The following RHOBTB3 variants were observed in gnomAD, a reference collection of about 807,000 sequenced individuals.
The protein encoded by RHOBTB3 is rho-related BTB domain-containing protein 3.
A neutral mutation model predicts 67.2 loss-of-function variants in RHOBTB3; 47 were observed. That is an observed-to-expected ratio of 0.70 (90% CI 0.55 to 0.89). The LOEUF (loss-of-function observed/expected upper bound fraction) is 0.89, where lower values mean the gene tolerates loss of function less well. Ranked by LOEUF, RHOBTB3 falls within the 40% of genes least tolerant of loss-of-function variation. RHOBTB3 has a pLI of 0.00. For synonymous variants in RHOBTB3, 273 were observed against 274.2 expected, an observed-to-expected ratio of 1.00 and a Z score of 0.04; for missense variants, 631 against 750.0, an observed-to-expected ratio of 0.84 and a Z score of 1.85.
chr5:95,739,593 C>G (rs781477109), intron 3 of RHOBTB3, among the ~76,000 whole-genome samples: 1 of 152,164 alleles, frequency 6.6e-6, no homozygotes, highest in African/African-American at 2.4e-5. Flanking sequence ...CTCTGTTGCC[C>G]AGGCTGGAGT....
At chr5:95,735,848 C>A (rs1019391855) in intron 2 of RHOBTB3, among the ~76,000 whole-genome samples, 1 of 152,142 alleles carries the variant, frequency 6.6e-6, no homozygotes, top group African/African-American at 2.4e-5. Context: ...TGCCTGTAAT[C>A]CTCACACTTT....
At chr5:95,754,325 C>T (rs1469366037) in intron 5 of RHOBTB3, among the ~76,000 whole-genome samples, 1 of 152,064 alleles carries the variant, frequency 6.6e-6, no homozygotes, top group Non-Finnish European at 1.5e-5. Context: ...CTGATTTGTT[C>T]CAAGGACGGA....
intron 3 of RHOBTB3, among the ~76,000 whole-genome samples, chr5:95,746,132 G>A (rs1294462379): frequency 6.6e-6 from 1 of 152,000 alleles, no homozygotes; most frequent in Non-Finnish European, 1.5e-5. Context: ...AGAGATACAG[G>A]GGCACTTTCT....
intron 10 of RHOBTB3, among the ~76,000 whole-genome samples, chr5:95,787,604 T>C (rs56385335): frequency 0.23 from 35,128 of 152,056 alleles, 4,074 homozygotes; most frequent in South Asian, 0.28. Context: ...ACAACACAAA[T>C]GTCCATTGAC....
chr5:95,757,196 T>C (rs977446165), intron 6 of RHOBTB3, among the ~76,000 whole-genome samples: 3 of 152,190 alleles, frequency 2.0e-5, no homozygotes, highest in African/African-American at 4.8e-5. Flanking sequence ...GTAGCAACTA[T>C]ATTTTAAAGA....
At chr5:95,742,425 T>G (rs1047402797) in intron 3 of RHOBTB3, among the ~76,000 whole-genome samples, 2 of 152,218 alleles carry the variant, frequency 1.3e-5, no homozygotes, top group Non-Finnish European at 2.9e-5. Flanking sequence ...TTGAAAAACT[T>G]AATGTCTTTC....
Position 95,755,427 on chromosome 5 carries a change from A to C in RHOBTB3, c.714A>C (p.Ser238=). ...EKMPVLKAEA[S]HYNSDLNNLL... is the part of the protein sequence containing the mutation. ...TGCCTGTCTTAAAGGCTGAAGCGTC[A>C]CATTATAACTCTGACTTAAATAACT... is the stretch of plus-strand genomic sequence containing the variant. The change falls in exon 6 of 12, where the codon TCA becomes TCC. Residue 238 remains serine (S), a synonymous_variant. Coordinates refer to ENST00000379982, the MANE Select transcript of RHOBTB3 (RefSeq NM_014899.4). The C allele has an allele frequency of 6.3e-7, 1 of 1,580,108 alleles. No individual in the cohort carries two copies.
At chr5:95,748,572 C>T (rs1241904410) in intron 4 of RHOBTB3, 85 bp downstream of exon 4, 4 of 969,728 alleles carry the variant, frequency 4.1e-6, no homozygotes, top group South Asian at 2.4e-5. Context: ...AGAACTTCAG[C>T]TTTAAAAGCA....
intron 1 of RHOBTB3, among the ~76,000 whole-genome samples, chr5:95,721,703 A>T (rs1409774519): frequency 6.6e-6 from 1 of 151,904 alleles, no homozygotes; most frequent in Non-Finnish European, 1.5e-5. Flanking sequence ...TAAAAAAAAA[A>T]AAAAAGGAAC....
At chr5:95,758,288 C>G (rs1745304605) in intron 6 of RHOBTB3, among the ~76,000 whole-genome samples, 2 of 152,148 alleles carry the variant, frequency 1.3e-5, no homozygotes, top group Non-Finnish European at 2.9e-5. Flanking sequence ...AGACCCTTTC[C>G]CCGGAGTCAT....
At chr5:95,720,576 T>G (rs1353405618) in intron 1 of RHOBTB3, among the ~76,000 whole-genome samples, 1 of 152,154 alleles carries the variant, frequency 6.6e-6, no homozygotes, top group African/African-American at 2.4e-5. Context: ...AGGCTAAAGC[T>G]AATGAGTACT....
Position 95,731,978 on chromosome 5 carries a change from G to C in RHOBTB3, c.122G>C (p.Ser41Thr). 1 of 1,614,182 alleles carries C rather than the reference G, an allele frequency of 6.2e-7. No individual in the cohort carries two copies. The highest frequency in any genetic ancestry group is 8.5e-7 in the Non-Finnish European group (1 of 1,180,018). ...CCTCTGGTCTCCGGGGACGAGAGCA[G>C]CTTGTTGCTGAACGCGGCCAGCACG... ...RSPLVSGDESSLLLNAASTVA... is the reference protein window; with the variant it reads ...RSPLVSGDESTLLLNAASTVA... Residue 41 changes from serine (S) to threonine (T), a missense_variant, in exon 2 of 12, where the codon AGC (serine) becomes ACC (threonine). Physicochemically the swap from Ser to Thr is moderately conservative, Grantham distance 58. Coordinates refer to ENST00000379982, the MANE Select transcript of RHOBTB3 (RefSeq NM_014899.4).
intron 9 of RHOBTB3, 130 bp from the exon 10 acceptor site, chr5:95,783,667 A>G (rs1433250426): frequency 1.6e-6 from 1 of 616,526 alleles, no homozygotes; most frequent in African/African-American, 1.9e-5. Flanking sequence ...TTTCCTAACC[A>G]TTCTATTCTA....
At chr5:95,766,669 C>G (rs1228510458) in intron 7 of RHOBTB3, among the ~76,000 whole-genome samples, 1 of 151,690 alleles carries the variant, frequency 6.6e-6, no homozygotes, top group Non-Finnish European at 1.5e-5. Flanking sequence ...GGGAGGCCAG[C>G]CCTTGACTTC....
At chr5:95,773,049 G>A (rs1745763867) in intron 8 of RHOBTB3, among the ~76,000 whole-genome samples, 1 of 152,150 alleles carries the variant, frequency 6.6e-6, no homozygotes, top group Admixed American at 6.5e-5. Context: ...TGCATAGGAG[G>A]CATTGGTATC....
chr5:95,728,907 T>G (rs1245145165), upstream of RHOBTB3, among the ~76,000 whole-genome samples: 1 of 152,230 alleles, frequency 6.6e-6, no homozygotes, highest in Non-Finnish European at 1.5e-5. Flanking sequence ...CTGCTCATTA[T>G]ATGCTAATTA....
Position 95,783,265 on chromosome 5 carries a change from G to T in RHOBTB3, c.1457-532G>T, listed in dbSNP as rs1230461046. Among the ~76,000 whole-genome samples the T allele has an allele frequency of 2.6e-5, 4 of 151,704 alleles. No individual in the cohort carries two copies. The East Asian group carries it at 7.7e-4, about 29-fold the overall frequency. The stretch of plus-strand genomic sequence containing the variant: ...GCCTCCCCAGTAGCTGGGACTACAG[G>T]CGCCCGCCACCACACCTGGCTAATT... On this transcript the variant is annotated intron_variant, in intron 9 of 11. Transcript: ENST00000379982.
In RHOBTB3 at chr5:95,762,225, G is replaced by C. The variant is rs567966240; in HGVS notation, c.1049-1283G>C. On this transcript the variant is annotated intron_variant, in intron 6 of 11. Coordinates refer to ENST00000379982, the MANE Select transcript of RHOBTB3 (RefSeq NM_014899.4). ...CCCCAGGAGACACTGTAAGTATTAG[G>C]AAGGCCAGGTGGGGAGAAGTTGAAA... 4.9e-4 allele frequency among the ~76,000 whole-genome samples: 74 copies of C among 152,332 alleles called. No individual in the cohort carries two copies. In the South Asian group the frequency reaches 5.8e-3, roughly 12 times the overall value.
At chr5:95,786,113 C>G (rs1746216516) in intron 10 of RHOBTB3, among the ~76,000 whole-genome samples, 1 of 152,142 alleles carries the variant, frequency 6.6e-6, no homozygotes, top group Non-Finnish European at 1.5e-5. Context: ...TTCCTGTATT[C>G]TTTTCCTGGT....
Sources: gnomAD v4.1 joint callset for allele counts (sites outside exome capture counted in the v4.1 genomes callset) on GRCh38, gnomAD v4.1.1 for gene constraint, MANE v1.5 for transcripts, NCBI Gene and HGNC (gene_info 2026-07-23, HGNC 2026-07-21) for gene names.